BRF1: variants seen among roughly 807,000 people sequenced by gnomAD.
BRF1 encodes transcription factor IIIB 90 kDa subunit.
In BRF1, 59 loss-of-function variants were observed where a neutral mutation model predicts 81.7. The observed-to-expected ratio is 0.72, with a 90% CI of 0.59 to 0.90. The LOEUF (loss-of-function observed/expected upper bound fraction) is 0.90. Among genes scored for constraint, BRF1 ranks in the 40% least tolerant of loss-of-function variants. BRF1 has a pLI of 0.00. For missense variants in BRF1, 1,050 were observed against 936.3 expected, an observed-to-expected ratio of 1.12 and a Z score of -1.58; for synonymous variants, 491 against 395.6, an observed-to-expected ratio of 1.24 and a Z score of -2.86.
intron 10 of BRF1, among the ~76,000 whole-genome samples, chr14:105,222,850 G>C (rs587769887): frequency 1.3e-5 from 2 of 152,130 alleles, no homozygotes; most frequent in African/African-American, 4.8e-5. Context: ...GGATGGTCTT[G>C]ATCTCCTGAC....
chr14:105,217,186 C>T (rs1053224414), intron 15 of BRF1: 70 of 381,390 alleles, frequency 1.8e-4, no homozygotes, highest in South Asian at 6.6e-4. Context: ...AGCCAGGGTG[C>T]GCAGAGCAGG....
intron 5 of BRF1, chr14:105,252,286 G>T: frequency 1.3e-6 from 1 of 789,250 alleles, no homozygotes; most frequent in Non-Finnish European, 1.5e-6. Context: ...GCTGCAGTGA[G>T]CTACGATTGT....
chr14:105,224,714 AT>A (rs1458278358), intron 10 of BRF1, among the ~76,000 whole-genome samples: 2 of 152,012 alleles, frequency 1.3e-5, no homozygotes, highest in African/African-American at 4.8e-5. Flanking sequence ...TGCCCAGCTA[AT>A]TTTTTTATTT....
At chr14:105,262,365 G>C (rs587621135) in intron 3 of BRF1, among the ~76,000 whole-genome samples, 2 of 152,316 alleles carry the variant, frequency 1.3e-5, no homozygotes, top group Admixed American at 6.5e-5. Context: ...TGACTGATGC[G>C]GGGTAGGAGA....
In BRF1 at chr14:105,211,197, C is replaced by G; in HGVS notation, c.1921G>C (p.Glu641Gln). ...TCGTCAGGCTCCTCCTCGTCAGCCTCCTCGTCGGCGTGGTATGACACGGGC... is the reference window on the plus strand; with the variant it reads ...TCGTCAGGCTCCTCCTCGTCAGCCTGCTCGTCGGCGTGGTATGACACGGGC... ...SGPVSYHADE[E>Q]ADEEEPDEED... is the part of the protein sequence containing the mutation. The change falls in exon 17 of 18, where the codon GAG becomes CAG. Residue 641 changes from glutamate to glutamine, a missense_variant. Physicochemically the swap from Glu to Gln is conservative, Grantham distance 29. This residue lies in a region of BRF1 where 1,043 missense variants were observed against 915.4 expected (regional missense o/e 1.14). Coordinates refer to ENST00000547530, the MANE Select transcript of BRF1 (RefSeq NM_001519.4). 2 of 1,612,204 alleles carry G rather than the reference C, an allele frequency of 1.2e-6. No individual in the cohort carries two copies. The highest frequency in any genetic ancestry group is 1.7e-6 in the Non-Finnish European group (2 of 1,179,884).
intron 6 of BRF1, 29 bp downstream of exon 6, chr14:105,241,236 A>G (rs1367032599): frequency 6.2e-7 from 1 of 1,606,280 alleles, no homozygotes; most frequent in Admixed American, 1.7e-5. Context: ...CCAGACCAGC[A>G]TCCCCCAGGC....
At chr14:105,245,963 C>G (rs1209343320) in intron 5 of BRF1, among the ~76,000 whole-genome samples, 2 of 152,166 alleles carry the variant, frequency 1.3e-5, no homozygotes, top group African/African-American at 4.8e-5. Flanking sequence ...GCAAAGGAAT[C>G]TATTAACAGA....
chr14:105,300,836 A>G lies in BRF1; in HGVS notation c.-207T>C. 1.1e-5 allele frequency: 2 copies of G among 187,498 alleles called. No homozygotes were observed. The highest frequency in any genetic ancestry group is 2.1e-5 in the Non-Finnish European group (2 of 94,736). The allele number at this position is 187,498 out of a possible 1,614,324, so 11.6% of individuals were successfully genotyped here. ...AACGGCCGCGCCCGCGGGATGGGAC[A>G]GGCACCGGGACCACGGCGGGGACGC... On this transcript the variant is annotated 5_prime_UTR_variant, in exon 1 of 18. Transcript: ENST00000547530.
rs757115243 is a variant in BRF1 at position 105,241,312 on chromosome 14, C to T, written c.647G>A (p.Arg216Gln). ...GCGCCGGCCTGTGTGCATCCAGTCC[C>T]GCTTCATCCTCTGTAGGAGCCTCAG... The part of the protein sequence containing the change: ...TALRLLQRMK[R>Q]DWMHTGRRPS... Residue 216 changes from arginine to glutamine, a missense_variant, in exon 6 of 18, where the codon CGG (arginine) becomes CAG (glutamine). Coordinates refer to ENST00000547530, the MANE Select transcript of BRF1 (RefSeq NM_001519.4). 6.8e-6 allele frequency: 11 copies of T among 1,612,582 alleles called. No individual in the cohort carries two copies. The highest frequency in any genetic ancestry group is 9.3e-6 in the Non-Finnish European group (11 of 1,179,932).
At chr14:105,283,013 T>C (rs367581141) in intron 2 of BRF1, among the ~76,000 whole-genome samples, 5 of 152,170 alleles carry the variant, frequency 3.3e-5, no homozygotes, top group African/African-American at 7.2e-5. Context: ...GCATCAGAAA[T>C]GTGCCAGTTA....
At chr14:105,254,366 C>T (rs2055764030) in intron 4 of BRF1, among the ~76,000 whole-genome samples, 1 of 152,104 alleles carries the variant, frequency 6.6e-6, no homozygotes, top group South Asian at 2.1e-4. Context: ...ACGTCATTCT[C>T]CTGCCTCAGC....
chr14:105,224,133 C>T (rs989256128), intron 10 of BRF1, among the ~76,000 whole-genome samples: 5 of 152,208 alleles, frequency 3.3e-5, no homozygotes, highest in African/African-American at 9.7e-5. Context: ...CTTTGGCGGG[C>T]CAAGGTGGAC....
intron 5 of BRF1, chr14:105,250,033 G>A (rs1259967646): frequency 1.9e-6 from 3 of 1,612,818 alleles, no homozygotes; most frequent in Admixed American, 3.3e-5. Flanking sequence ...GAAACAAGAG[G>A]CATGTTCTGG....
At chr14:105,283,128 G>A (rs1042470955) in intron 2 of BRF1, among the ~76,000 whole-genome samples, 1 of 152,174 alleles carries the variant, frequency 6.6e-6, no homozygotes, top group African/African-American at 2.4e-5. Flanking sequence ...AGGAGGTACG[G>A]CGGGCCCAGC....
chr14:105,267,523 G>C (rs1218883193), intron 3 of BRF1, among the ~76,000 whole-genome samples: 1 of 151,818 alleles, frequency 6.6e-6, no homozygotes, highest in Non-Finnish European at 1.5e-5. Context: ...TGTTGCCCAA[G>C]CTGGTCTCAA....
intron 1 of BRF1, among the ~76,000 whole-genome samples, chr14:105,291,174 C>T (rs1325370044): frequency 1.3e-5 from 2 of 152,144 alleles, no homozygotes; most frequent in Non-Finnish European, 2.9e-5. Context: ...GGAGGACCTG[C>T]GGTTCCACCA....
intron 12 of BRF1, chr14:105,219,482 C>A: frequency 1.4e-6 from 1 of 731,278 alleles, no homozygotes; most frequent in Non-Finnish European, 2.1e-6. Flanking sequence ...GCTTGCAAGC[C>A]CTGCCGGCAC....
chr14:105,256,369 A>T, intron 4 of BRF1, 149 bp downstream of exon 4: 1 of 1,580,932 alleles, frequency 6.3e-7, no homozygotes, highest in Non-Finnish European at 8.6e-7. Context: ...CCCTCATCCT[A>T]CAGACCAAAA....
intron 1 of BRF1, among the ~76,000 whole-genome samples, chr14:105,290,217 C>T (rs969241965): frequency 3.9e-5 from 6 of 152,064 alleles, no homozygotes; most frequent in African/African-American, 1.2e-4. Flanking sequence ...GTTGGGAGTT[C>T]GAGACCAGCC....
Sources: allele counts gnomAD v4.1 joint callset (sites outside exome capture counted in the v4.1 genomes callset), GRCh38; gene constraint gnomAD v4.1.1; regional missense constraint gnomAD v4.1.1; transcripts MANE v1.5; gene names NCBI Gene and HGNC (gene_info 2026-07-23, HGNC 2026-07-21).